Variants in KIRREL3 observed in about 807,000 individuals in gnomAD.
KIRREL3 encodes the protein kin of IRRE-like protein 3.
Under a neutral mutation model 89.7 loss-of-function variants are expected in KIRREL3, and 36 were observed. The ratio of observed to expected loss-of-function variants is 0.40; its 90% CI spans 0.31 to 0.53. The LOEUF is 0.53. Among genes scored for constraint, KIRREL3 ranks in the 20% least tolerant of loss-of-function variants. KIRREL3 has a pLI of 0.49. For missense variants in KIRREL3, 864 were observed against 1,056.6 expected, an observed-to-expected ratio of 0.82 and a Z score of 2.53; for synonymous variants, 445 against 441.4, an observed-to-expected ratio of 1.01 and a Z score of -0.10.
chr11:126,787,738 G>T (rs1950523542), intron 1 of KIRREL3, among the ~76,000 whole-genome samples: 1 of 152,150 alleles, frequency 6.6e-6, no homozygotes, highest in Non-Finnish European at 1.5e-5. Context: ...CTCTCAGCTT[G>T]TGCCTTTGTT....
At position 126,838,316 on chromosome 11, in the gene KIRREL3, C is replaced by T. The variant is rs183063457; in HGVS notation, c.55+162139G>A. Among the ~76,000 whole-genome samples the T allele has an allele frequency of 1.4e-4, 21 of 152,192 alleles. 1 individual carries two copies. The highest frequency in any genetic ancestry group is 6.8e-3 in the Middle Eastern group (2 of 294). On this transcript the variant is annotated intron_variant, in intron 1 of 16. Transcript: ENST00000525144. ...TTCCCCTTCCTGTGAATTTGGATAG[C>T]GAGCCAAAGGAAAAGAAACTTCAAC...
At chr11:126,914,722 T>C (rs1214943706) in intron 1 of KIRREL3, among the ~76,000 whole-genome samples, 1 of 152,258 alleles carries the variant, frequency 6.6e-6, no homozygotes, top group East Asian at 1.9e-4. Flanking sequence ...TTCACTTTCA[T>C]GTTTGAATGA....
At position 126,999,343 on chromosome 11, in the gene KIRREL3, TG is replaced by T. The variant is rs1435802975; in HGVS notation, c.55+1111del. On this transcript the variant is annotated intron_variant, in intron 1 of 16. Transcript: ENST00000525144. This position sits in a 1 kb window ranked among gnomAD's most constrained non-coding sequence, Gnocchi z 5.7. ...GAGCAGAAGAAGGAAGCCAGGTTTT[TG>T]CTTATATTTGGCTTCTCCCCGACAG... 6.6e-6 allele frequency among the ~76,000 whole-genome samples: 1 copy of T among 152,314 alleles called. No individual in the cohort carries two copies. Among genetic ancestry groups the T allele is most frequent in the Admixed American group, 6.5e-5 (1 of 15,310 alleles).
rs146261091 is a variant in KIRREL3, at chr11:126,669,277, C to T, written c.56-106365G>A. On this transcript the variant is annotated intron_variant, in intron 1 of 16. Transcript: ENST00000525144. This position sits in a 1 kb window ranked among gnomAD's most constrained non-coding sequence, Gnocchi z 5.0. The stretch of plus-strand genomic sequence containing the variant: ...GGGGTCTCTAGATCTGGGATCCTGG[C>T]ACTGAGTGAAGTTTTCCTTCAGCGT... 6.6e-6 allele frequency among the ~76,000 whole-genome samples: 1 copy of T among 152,134 alleles called. No individual in the cohort carries two copies. The highest frequency in any genetic ancestry group is 2.4e-5 in the African/African-American group (1 of 41,416).
intron 1 of KIRREL3, among the ~76,000 whole-genome samples, chr11:126,833,198 C>T (rs1286657378): frequency 6.6e-6 from 1 of 152,214 alleles, no homozygotes; most frequent in Non-Finnish European, 1.5e-5. Flanking sequence ...ATGAAGCAAG[C>T]TTGCTCTAAT....
intron 1 of KIRREL3, among the ~76,000 whole-genome samples, chr11:126,757,607 G>A (rs973958369): frequency 2.0e-5 from 3 of 152,080 alleles, no homozygotes; most frequent in African/African-American, 7.2e-5. Flanking sequence ...CAAAGTATAG[G>A]TCTTTTGAAT....
At chr11:126,534,650 C>T (rs1388191561) in intron 2 of KIRREL3, among the ~76,000 whole-genome samples, 1 of 152,176 alleles carries the variant, frequency 6.6e-6, no homozygotes, top group Admixed American at 6.5e-5. Flanking sequence ...GAGCACTGCG[C>T]CATCTGTCCC....
rs769119073 is a variant in KIRREL3, at chr11:126,768,137, C to T, written c.56-205225G>A. On this transcript the variant is annotated intron_variant, in intron 1 of 16. Coordinates refer to ENST00000525144, the MANE Select transcript of KIRREL3 (RefSeq NM_032531.4). This position sits in a 1 kb window ranked among gnomAD's most constrained non-coding sequence, Gnocchi z 4.5. ...CCATCCATCTGTCTATCCATCTATCCATCCATCCATCCATCCATCCATCCA... is the reference window on the plus strand; with the variant it reads ...CCATCCATCTGTCTATCCATCTATCTATCCATCCATCCATCCATCCATCCA... 1.7e-5 allele frequency among the ~76,000 whole-genome samples: 2 copies of T among 116,678 alleles called. No individual in the cohort carries two copies. Among genetic ancestry groups the T allele is most frequent in the Non-Finnish European group, 3.5e-5 (2 of 57,474 alleles). The allele number at this position is 116,678 out of a possible 152,430, so 76.5% of individuals were successfully genotyped here.
intron 4 of KIRREL3, among the ~76,000 whole-genome samples, chr11:126,504,044 G>C (rs1308001458): frequency 6.6e-6 from 1 of 152,084 alleles, no homozygotes; most frequent in Non-Finnish European, 1.5e-5. Context: ...AAACTTTTGG[G>C]GACTTACTGA....
chr11:126,894,153 G>C (rs1235529581), intron 1 of KIRREL3, among the ~76,000 whole-genome samples: 1 of 152,230 alleles, frequency 6.6e-6, no homozygotes, highest in Non-Finnish European at 1.5e-5. Flanking sequence ...TTGGGGCTCA[G>C]ACTTCCTGCC....
Position 126,890,786 on chromosome 11 carries a change from G to A in KIRREL3, c.55+109669C>T, listed in dbSNP as rs1018039083. Among the ~76,000 whole-genome samples, 4 of 152,300 alleles carry A rather than the reference G, an allele frequency of 2.6e-5. No individual in the cohort carries two copies. Among genetic ancestry groups the A allele is most frequent in the South Asian group, 4.1e-4 (2 of 4,824 alleles). On this transcript the variant is annotated intron_variant, in intron 1 of 16. Coordinates refer to ENST00000525144, the MANE Select transcript of KIRREL3 (RefSeq NM_032531.4). The surrounding 1 kb of genome is among the most constrained non-coding windows in gnomAD (Gnocchi z 5.1). Reference sequence around the variant, plus strand: ...CGTCCCCCAGTCCCAGCACCACAGCGGCCTGCCTGTGCCCAGCGCTGCCCC... The same window carrying A: ...CGTCCCCCAGTCCCAGCACCACAGCAGCCTGCCTGTGCCCAGCGCTGCCCC...
rs1321653586 is a variant in KIRREL3, at chr11:126,428,123, T to C, written c.1806+1056A>G. On this transcript the variant is annotated intron_variant, in intron 15 of 16. Transcript: ENST00000525144. This position sits in a 1 kb window ranked among gnomAD's most constrained non-coding sequence, Gnocchi z 6.4. ...ACCGCTAATATTTCTTGAGCACTTA[T>C]TGTGTTCCATGGGCTTCAAGCCCTT... Among the ~76,000 whole-genome samples the C allele has an allele frequency of 6.6e-6, 1 of 152,182 alleles. No homozygotes were observed. The highest frequency in any genetic ancestry group is 1.5e-5 in the Non-Finnish European group (1 of 68,024).
At chr11:126,941,456 C>G (rs1025737191) in intron 1 of KIRREL3, among the ~76,000 whole-genome samples, 6 of 152,150 alleles carry the variant, frequency 3.9e-5, no homozygotes, top group Non-Finnish European at 8.8e-5. Context: ...ATCAGAAATT[C>G]CAGAAGTGGA....
intron 1 of KIRREL3, among the ~76,000 whole-genome samples, chr11:126,617,019 T>A (rs1030570600): frequency 1.3e-5 from 2 of 152,238 alleles, no homozygotes; most frequent in Admixed American, 1.3e-4. Flanking sequence ...ATTGTTTATT[T>A]TACCACATCA....
At chr11:126,497,175 AGAGT>A (rs944120693) in intron 4 of KIRREL3, among the ~76,000 whole-genome samples, 14 of 135,150 alleles carry the variant, frequency 1.0e-4, no homozygotes, top group Admixed American at 7.8e-5. Flanking sequence ...CATGTGTAAG[AGAGT>A]GTGTGAGAGT....
chr11:126,882,583 C>T (rs1376540424), intron 1 of KIRREL3, among the ~76,000 whole-genome samples: 4 of 152,180 alleles, frequency 2.6e-5, no homozygotes, highest in South Asian at 2.1e-4. Flanking sequence ...GGAGGAATTA[C>T]GTCCCTCAAT....
chr11:126,550,085 C>T lies in KIRREL3; in HGVS notation c.133+12750G>A, dbSNP rs1939138709. 6.6e-6 allele frequency: 1 copy of T among 152,212 alleles called. No individual in the cohort carries two copies. Among genetic ancestry groups the T allele is most frequent in the Non-Finnish European group, 1.5e-5 (1 of 68,036 alleles). 9.4% of individuals were successfully genotyped at this position (152,212 alleles called of 1,614,324 possible). A position where few individuals can be genotyped will look rare whatever the true frequency, so the allele number is the denominator to read the frequency against. On this transcript the variant is annotated intron_variant, in intron 2 of 16. Transcript: ENST00000525144. This position sits in a 1 kb window ranked among gnomAD's most constrained non-coding sequence, Gnocchi z 4.9. ...GTATTGTAGTTGCTGACGTGTTTGT[C>T]TCTCCCCGCAAGACAGTGGTATCCT...
At position 126,485,908 on chromosome 11, in the gene KIRREL3, G is replaced by C. The variant is rs1411293107; in HGVS notation, c.434-12442C>G. Among the ~76,000 whole-genome samples the C allele has an allele frequency of 6.6e-6, 1 of 152,242 alleles. No homozygotes were observed. Among genetic ancestry groups the C allele is most frequent in the Admixed American group, 6.5e-5 (1 of 15,288 alleles). On this transcript the variant is annotated intron_variant, in intron 4 of 16. Coordinates refer to ENST00000525144, the MANE Select transcript of KIRREL3 (RefSeq NM_032531.4). This position sits in a 1 kb window ranked among gnomAD's most constrained non-coding sequence, Gnocchi z 5.8. ...TTTAGGCAGGAGACCCCAAGGGAGG[G>C]AGGGCTAGTCCAGTGGGCCAGGGAA... is the stretch of plus-strand genomic sequence containing the variant.
At chr11:126,809,894 T>C (rs1951323384) in intron 1 of KIRREL3, among the ~76,000 whole-genome samples, 1 of 152,238 alleles carries the variant, frequency 6.6e-6, no homozygotes, top group Admixed American at 6.5e-5. Flanking sequence ...TCCAGTTAAC[T>C]TGAGATGGTC....
Sources: gnomAD v4.1 joint callset for allele counts (sites outside exome capture counted in the v4.1 genomes callset) on GRCh38, gnomAD v4.1.1 for gene constraint, Gnocchi (gnomAD v3.1) non-coding constraint, MANE v1.5 for transcripts, NCBI Gene and HGNC (gene_info 2026-07-23, HGNC 2026-07-21) for gene names.